The following CFAP299 variants were observed in gnomAD, a reference collection of about 807,000 sequenced individuals.
The protein encoded by CFAP299 is cilia and flagella associated protein 299, also known as cilia- and flagella-associated protein 299.
CFAP299 carries 21 observed loss-of-function variants against 27.0 expected under a neutral mutation model. That is an observed-to-expected ratio of 0.78 (90% CI 0.55 to 1.12). The LOEUF is 1.12. Among genes scored for constraint, CFAP299 ranks in the 50% most tolerant of loss-of-function variants. CFAP299 has a pLI of 0.00. For synonymous variants in CFAP299, 104 were observed against 98.1 expected, an observed-to-expected ratio of 1.06 and a Z score of -0.36; for missense variants, 310 against 276.6, an observed-to-expected ratio of 1.12 and a Z score of -0.86.
intron 3 of CFAP299, among the ~76,000 whole-genome samples, chr4:80,671,347 A>G (rs554421501): frequency 6.6e-6 from 1 of 152,300 alleles, no homozygotes; most frequent in East Asian, 1.9e-4. Context: ...CCATTGGTCT[A>G]CATATCTGTT....
At chr4:80,365,656 T>G (rs1372175614) in intron 2 of CFAP299, among the ~76,000 whole-genome samples, 2 of 152,190 alleles carry the variant, frequency 1.3e-5, no homozygotes, top group Non-Finnish European at 2.9e-5. Context: ...ATGTAAAACA[T>G]CAGGGAGAGT....
intron 2 of CFAP299, among the ~76,000 whole-genome samples, chr4:80,372,291 C>CA (rs1724183762): frequency 6.6e-6 from 1 of 152,184 alleles, no homozygotes; most frequent in Non-Finnish European, 1.5e-5. Context: ...ATGATCCAAT[C>CA]ACCTCCCAAC....
intron 2 of CFAP299, among the ~76,000 whole-genome samples, chr4:80,374,763 G>C (rs1163818524): frequency 6.6e-6 from 1 of 152,046 alleles, no homozygotes; most frequent in Non-Finnish European, 1.5e-5. Context: ...TTCTTTATAA[G>C]CTAGCTAATA....
intron 3 of CFAP299, among the ~76,000 whole-genome samples, chr4:80,852,426 A>G (rs1731578540): frequency 1.3e-5 from 2 of 152,106 alleles, no homozygotes; most frequent in South Asian, 4.1e-4. Context: ...GGAGACACAC[A>G]CACACCACAG....
At chr4:80,754,579 C>G (rs537855861) in intron 3 of CFAP299, among the ~76,000 whole-genome samples, 1 of 151,484 alleles carries the variant, frequency 6.6e-6, no homozygotes, top group Non-Finnish European at 1.5e-5. Context: ...AGTGGTTGCT[C>G]TTAAACTCCA....
At position 80,824,154 on chromosome 4, in the gene CFAP299, A is replaced by G. The variant is rs146218472; in HGVS notation, c.334-45839A>G. On this transcript the variant is annotated intron_variant, in intron 3 of 5. Coordinates refer to ENST00000358105, the MANE Select transcript of CFAP299 (RefSeq NM_152770.3). ...AATCTGTCTTCCCACCTAGACAACAATCACATTGGCAGATTGGTTTTGTAT... is the reference window on the plus strand; with the variant it reads ...AATCTGTCTTCCCACCTAGACAACAGTCACATTGGCAGATTGGTTTTGTAT... 4.0e-3 allele frequency among the ~76,000 whole-genome samples: 604 copies of G among 152,326 alleles called. 3 individuals carry two copies. The highest frequency in any genetic ancestry group is 0.014 in the African/African-American group (590 of 41,590).
chr4:80,954,932 G>T, intron 5 of CFAP299, among the ~76,000 whole-genome samples: 1 of 136,268 alleles, frequency 7.3e-6, no homozygotes, highest in East Asian at 2.4e-4. Context: ...CCCAGGAGAC[G>T]GAGCTTGCAG....
chr4:80,478,708 A>T (rs944553161), intron 2 of CFAP299, among the ~76,000 whole-genome samples: 1 of 151,922 alleles, frequency 6.6e-6, no homozygotes, highest in African/African-American at 2.4e-5. Context: ...CTAACAGGAA[A>T]GTTTGACTCT....
chr4:80,858,347 T>C (rs949263587), intron 3 of CFAP299, among the ~76,000 whole-genome samples: 1 of 152,146 alleles, frequency 6.6e-6, no homozygotes, highest in African/African-American at 2.4e-5. Context: ...GTTGATCCTT[T>C]CAAAAAACCA....
At chr4:80,709,226 T>C (rs576515445) in intron 3 of CFAP299, among the ~76,000 whole-genome samples, 1 of 152,348 alleles carries the variant, frequency 6.6e-6, no homozygotes, top group South Asian at 2.1e-4. Context: ...CCACATGTTT[T>C]ACCTTTGTAA....
At chr4:80,748,313 T>C (rs1331873450) in intron 3 of CFAP299, among the ~76,000 whole-genome samples, 1 of 152,118 alleles carries the variant, frequency 6.6e-6, no homozygotes, top group African/African-American at 2.4e-5. Context: ...TTAAGAGTTA[T>C]CTATTGAGAA....
At chr4:80,549,172 AACAC>A (rs145823973) in intron 2 of CFAP299, among the ~76,000 whole-genome samples, 2 of 151,150 alleles carry the variant, frequency 1.3e-5, no homozygotes, top group African/African-American at 2.4e-5. Flanking sequence ...TCAAGAAAGT[AACAC>A]ACACACACAC....
intron 2 of CFAP299, among the ~76,000 whole-genome samples, chr4:80,461,582 T>G (rs1356458832): frequency 6.6e-6 from 1 of 152,142 alleles, no homozygotes; most frequent in Non-Finnish European, 1.5e-5. Flanking sequence ...GGGAGGAATG[T>G]ATAATGAGGC....
Position 80,951,373 on chromosome 4 carries a change from G to A in CFAP299, c.606+6434G>A, listed in dbSNP as rs114919613. ...TGTAGACTGTGCATGGACTTAGCAG[G>A]ATTTATTTCTTTGTTCTTTTTGTAT... is the stretch of plus-strand genomic sequence containing the variant. On this transcript the variant is annotated intron_variant, in intron 5 of 5. Transcript: ENST00000358105. Among the ~76,000 whole-genome samples, 359 of 152,246 alleles carry A rather than the reference G, an allele frequency of 2.4e-3. 2 individuals are homozygous for A. Among genetic ancestry groups the A allele is most frequent in the African/African-American group, 8.4e-3 (347 of 41,552 alleles).
At chr4:80,372,167 C>T (rs1724178338) in intron 2 of CFAP299, among the ~76,000 whole-genome samples, 2 of 152,314 alleles carry the variant, frequency 1.3e-5, no homozygotes. Context: ...CAGCATTTCA[C>T]ACAGACTTAG....
intron 2 of CFAP299, among the ~76,000 whole-genome samples, chr4:80,457,714 G>T (rs754460709): frequency 6.6e-6 from 1 of 152,044 alleles, no homozygotes; most frequent in Non-Finnish European, 1.5e-5. Flanking sequence ...TGCTACTGTA[G>T]CATTCATTTT....
intron 2 of CFAP299, among the ~76,000 whole-genome samples, chr4:80,582,819 TA>T (rs1175062203): frequency 1.3e-5 from 2 of 151,834 alleles, no homozygotes; most frequent in African/African-American, 4.8e-5. Flanking sequence ...CATGATATGT[TA>T]AAAAAGAACG....
At chr4:80,673,179 A>C (rs1161405282) in intron 3 of CFAP299, among the ~76,000 whole-genome samples, 1 of 152,102 alleles carries the variant, frequency 6.6e-6, no homozygotes, top group African/African-American at 2.4e-5. Flanking sequence ...ACACTGTTTT[A>C]AATGTGTCCC....
intron 1 of CFAP299, among the ~76,000 whole-genome samples, chr4:80,343,770 C>CGGCCT (rs1560521763): frequency 1.5e-5 from 2 of 132,184 alleles, no homozygotes; most frequent in East Asian, 4.9e-4. Flanking sequence ...CAGTCCGGTC[C>CGGCCT]GGCCTGGGCG....
Sources: gnomAD v4.1 joint callset for allele counts (sites outside exome capture counted in the v4.1 genomes callset) on GRCh38, gnomAD v4.1.1 for gene constraint, MANE v1.5 for transcripts, NCBI Gene and HGNC (gene_info 2026-07-23, HGNC 2026-07-21) for gene names.